POLR1A: variants seen among roughly 807,000 people sequenced by gnomAD.
POLR1A encodes RNA polymerase I subunit A, also known as DNA-directed RNA polymerase I subunit RPA1.
In POLR1A, 84 loss-of-function variants were observed where a neutral mutation model predicts 205.3. The observed-to-expected ratio is 0.41, with a 90% CI of 0.34 to 0.49. The LOEUF is 0.49. POLR1A is among the 20% of genes least tolerant of loss of function. The probability of loss-of-function intolerance (pLI) is 0.22; values close to 1 mark genes in which losing one functional copy is unlikely to be tolerated. For missense variants in POLR1A, 1,645 were observed against 2,204.5 expected, an observed-to-expected ratio of 0.75 and a Z score of 5.08; for synonymous variants, 799 against 863.7, an observed-to-expected ratio of 0.93 and a Z score of 1.31.
chr2:86,028,800 C>T lies in POLR1A; in HGVS notation c.4780-89G>A. ...ATCTCCCCCTGGCCGCTCTCTCTCT[C>T]CTTGTGTCTGGCAGCTCGGTACAGC... is the stretch of plus-strand genomic sequence containing the variant. On this transcript the variant is annotated intron_variant, in intron 31 of 33. Coordinates refer to ENST00000263857, the MANE Select transcript of POLR1A (RefSeq NM_015425.6). This position sits in a 1 kb window ranked among gnomAD's most constrained non-coding sequence, Gnocchi z 4.5. The T allele has an allele frequency of 2.1e-6, 2 of 933,402 alleles. No homozygotes were observed. The highest frequency in any genetic ancestry group is 1.4e-5 in the South Asian group (1 of 71,766). 57.8% of individuals were successfully genotyped at this position (933,402 alleles called of 1,614,324 possible).
At chr2:86,087,210 A>G (rs1174123413) in intron 6 of POLR1A, among the ~76,000 whole-genome samples, 1 of 152,236 alleles carries the variant, frequency 6.6e-6, no homozygotes, top group African/African-American at 2.4e-5. Flanking sequence ...TCTTCTATTA[A>G]GTCTAAAAAT....
At chr2:86,043,681 A>T (rs933821349) in intron 22 of POLR1A, among the ~76,000 whole-genome samples, 7 of 152,160 alleles carry the variant, frequency 4.6e-5, no homozygotes, top group African/African-American at 1.7e-4. Flanking sequence ...CAAGGGCATT[A>T]AGGTATACAA....
intron 15 of POLR1A, 136 bp downstream of exon 15, chr2:86,054,004 C>T (rs1672852708): frequency 5.0e-6 from 4 of 797,094 alleles, no homozygotes; most frequent in Non-Finnish European, 7.9e-6. Flanking sequence ...CTGACAACAA[C>T]TCAGGCACAA....
At chr2:86,039,274 G>T in intron 26 of POLR1A, 53 bp downstream of exon 26, 1 of 1,592,900 alleles carries the variant, frequency 6.3e-7, no homozygotes, top group Non-Finnish European at 8.6e-7. Flanking sequence ...ACATGGGGAG[G>T]ATATAGGAAC....
chr2:86,043,778 A>G (rs1672659900), intron 22 of POLR1A, among the ~76,000 whole-genome samples: 1 of 152,130 alleles, frequency 6.6e-6, no homozygotes, highest in Non-Finnish European at 1.5e-5. Flanking sequence ...TTTGATACTC[A>G]GTTGCCTCAG....
chr2:86,049,178 G>A lies in POLR1A; in HGVS notation c.2457C>T (p.Ser819=), dbSNP rs1184531302. The A allele has an allele frequency of 6.2e-7, 1 of 1,613,590 alleles. No individual in the cohort carries two copies. Residue 819 remains serine, a synonymous_variant, in exon 17 of 34, where the codon TCC becomes TCT. Coordinates refer to ENST00000263857, the MANE Select transcript of POLR1A (RefSeq NM_015425.6). ...DVKRQRIIEE[S]THCGPQAVRA... Reference sequence around the variant, plus strand: ...TCCTTACCTGGGGCCCGCAGTGGGTGGATTCTTCAATGATACGTTGCCTCT... The same window carrying A: ...TCCTTACCTGGGGCCCGCAGTGGGTAGATTCTTCAATGATACGTTGCCTCT...
intron 14 of POLR1A, among the ~76,000 whole-genome samples, chr2:86,056,993 A>G (rs1672909099): frequency 6.6e-6 from 1 of 152,244 alleles, no homozygotes; most frequent in Non-Finnish European, 1.5e-5. Flanking sequence ...TAAAGGAGTT[A>G]TTTTGACTTT....
Position 86,032,494 on chromosome 2 carries a change from C to T in POLR1A, c.4162-112G>A, listed in dbSNP as rs557574858. 323 of 783,488 alleles carry T rather than the reference C, an allele frequency of 4.1e-4. 1 individual carries two copies. The South Asian group carries it at 4.9e-3, about 12-fold the overall frequency. 48.5% of individuals were successfully genotyped at this position (783,488 alleles called of 1,614,324 possible). A position where few individuals can be genotyped will look rare whatever the true frequency, so the allele number is the denominator to read the frequency against. On this transcript the variant is annotated intron_variant, in intron 28 of 33. Coordinates refer to ENST00000263857, the MANE Select transcript of POLR1A (RefSeq NM_015425.6). ...CCATCCATGCCCCACCCTTCTAACC[C>T]CTTCTCCCATCCAGCCACCACCCTC... is the stretch of plus-strand genomic sequence containing the variant.
In POLR1A at chr2:86,054,143, G is replaced by T; in HGVS notation, c.2205C>A (p.Ser735=). ...PGFNPDSMCE[S]QVIIREGELL... ...CCACACAGCTGGACAGCCATACCTG[G>T]GACTCGCACATCGAGTCAGGGTTAA... The change falls in exon 15 of 34, where the codon TCC becomes TCA. Residue 735 remains serine (S), a synonymous_variant. Transcript: ENST00000263857. 6.2e-7 allele frequency: 1 copy of T among 1,613,610 alleles called. No individual in the cohort carries two copies. The highest frequency in any genetic ancestry group is 8.5e-7 in the Non-Finnish European group (1 of 1,179,616).
Position 86,071,423 on chromosome 2 carries a change from T to A in POLR1A, c.1612-1151A>T, listed in dbSNP as rs1403450826. ...TTCCCGCCTTGGCCTCCCAAAGTGC[T>A]GGAATTACAGGCATGAGTCACCACA... On this transcript the variant is annotated intron_variant, in intron 12 of 33. Transcript: ENST00000263857. Among the ~76,000 whole-genome samples the A allele has an allele frequency of 3.3e-5, 5 of 152,190 alleles. No individual in the cohort carries two copies. In the East Asian group the frequency reaches 9.6e-4, roughly 29 times the overall value.
intron 30 of POLR1A, 27 bp from the exon 31 acceptor site, chr2:86,030,423 G>C: frequency 6.6e-7 from 1 of 1,517,288 alleles, no homozygotes; most frequent in Non-Finnish European, 9.2e-7. Flanking sequence ...AGCTGGGTAG[G>C]GTGACAGCTA....
chr2:86,058,263 G>C (rs1025573128), intron 14 of POLR1A, among the ~76,000 whole-genome samples: 10 of 152,116 alleles, frequency 6.6e-5, no homozygotes, highest in African/African-American at 2.4e-4. Flanking sequence ...ACCATGCCTG[G>C]ATAATTTTTG....
intron 6 of POLR1A, among the ~76,000 whole-genome samples, chr2:86,086,114 A>G (rs576506345): frequency 6.6e-6 from 1 of 151,992 alleles, no homozygotes; most frequent in East Asian, 1.9e-4. Context: ...GCTGGAGTGC[A>G]ATGGCACAAT....
chr2:86,085,934 G>C (rs1051414728), intron 6 of POLR1A, among the ~76,000 whole-genome samples: 1 of 152,238 alleles, frequency 6.6e-6, no homozygotes, highest in Non-Finnish European at 1.5e-5. Context: ...AATGTGCCTT[G>C]TGGGGCTCAG....
At chr2:86,073,458 CAGCAAGAATTCG>C (rs1205998667) in intron 12 of POLR1A, among the ~76,000 whole-genome samples, 9 of 152,178 alleles carry the variant, frequency 5.9e-5, no homozygotes, top group Non-Finnish European at 1.3e-4. Context: ...CCTGAGAGAG[CAGCAAGAATTCG>C]CTGCCTTCAG....
rs1412012439 is a variant in POLR1A, at chr2:86,070,607, G to A, written c.1612-335C>T. Reference sequence around the variant, plus strand: ...TGAAAACTAATCCAAAGAAAGAAATGGATACAACTCCTGAAGATATAACCA... The same window carrying A: ...TGAAAACTAATCCAAAGAAAGAAATAGATACAACTCCTGAAGATATAACCA... On this transcript the variant is annotated intron_variant, in intron 12 of 33. Transcript: ENST00000263857. The surrounding 1 kb of genome is among the most constrained non-coding windows in gnomAD (Gnocchi z 4.4). Among the ~76,000 whole-genome samples, 1 of 151,972 alleles carries A rather than the reference G, an allele frequency of 6.6e-6. No homozygotes were observed. Among genetic ancestry groups the A allele is most frequent in the African/African-American group, 2.4e-5 (1 of 41,354 alleles).
intron 11 of POLR1A, among the ~76,000 whole-genome samples, chr2:86,076,286 C>T (rs1052439343): frequency 5.9e-5 from 9 of 152,224 alleles, no homozygotes; most frequent in Non-Finnish European, 1.3e-4. Context: ...AACACTTTCT[C>T]AGAAGGCTCC....
At chr2:86,041,210 C>CTGTG (rs67036891) in intron 24 of POLR1A, among the ~76,000 whole-genome samples, 4 of 114,510 alleles carry the variant, frequency 3.5e-5, no homozygotes, top group African/African-American at 8.0e-5. Flanking sequence ...GCTACAGTGT[C>CTGTG]TGTGTGTGTG....
intron 12 of POLR1A, 75 bp downstream of exon 12, chr2:86,074,954 CA>C: frequency 9.5e-7 from 1 of 1,047,494 alleles, no homozygotes; most frequent in Non-Finnish European, 1.4e-6. Context: ...GCACCGGAGC[CA>C]CACCTGATGG....
Sources: gnomAD v4.1 joint callset for allele counts (sites outside exome capture counted in the v4.1 genomes callset) on GRCh38, gnomAD v4.1.1 for gene constraint, Gnocchi (gnomAD v3.1) non-coding constraint, MANE v1.5 for transcripts, NCBI Gene and HGNC (gene_info 2026-07-23, HGNC 2026-07-21) for gene names.